PCDHA2: variants seen among roughly 807,000 people sequenced by gnomAD.
PCDHA2 encodes the protein protocadherin alpha 2, also known as protocadherin alpha-2.
Under a neutral mutation model 66.0 loss-of-function variants are expected in PCDHA2, and 58 were observed. The ratio of observed to expected loss-of-function variants is 0.88; its 90% confidence interval spans 0.71 to 1.09. The LOEUF is 1.09. Among genes scored for constraint, PCDHA2 ranks in the 50% least tolerant of loss-of-function variants. The pLI, the probability that PCDHA2 is intolerant of heterozygous loss-of-function variation, is 0.00. For synonymous variants in PCDHA2, 634 were observed against 554.0 expected, an observed-to-expected ratio of 1.14 and a Z score of -2.03; for missense variants, 1,267 against 1,242.3, an observed-to-expected ratio of 1.02 and a Z score of -0.30.
At chr5:140,898,624 A>G (rs1374108541) in intron 1 of PCDHA2, among the ~76,000 whole-genome samples, 13 of 152,248 alleles carry the variant, frequency 8.5e-5, no homozygotes, top group African/African-American at 2.6e-4. Flanking sequence ...CAGGTAGCAT[A>G]ATGCCTCCAG....
intron 1 of PCDHA2, chr5:140,847,725 G>A (rs1003517180): frequency 2.0e-5 from 3 of 149,656 alleles, no homozygotes; most frequent in Non-Finnish European, 4.5e-5. Flanking sequence ...CTACAAAAGA[G>A]AAAAATATAT....
intron 1 of PCDHA2, chr5:140,859,885 A>G (rs2046070858): frequency 1.3e-5 from 2 of 151,844 alleles, no homozygotes; most frequent in South Asian, 4.2e-4. Context: ...TGATATTTTG[A>G]AAAAAAATCT....
intron 1 of PCDHA2, among the ~76,000 whole-genome samples, chr5:140,922,038 T>A (rs1048446579): frequency 6.6e-6 from 1 of 152,088 alleles, no homozygotes. Context: ...AATGTAATTT[T>A]CCCACATACC....
At chr5:140,821,882 A>T (rs1302736713) in intron 1 of PCDHA2, 2 of 1,614,102 alleles carry the variant, frequency 1.2e-6, no homozygotes, top group Admixed American at 1.7e-5. Flanking sequence ...TCGATCCCGG[A>T]GGAAGCCAAA....
At chr5:140,893,655 T>G (rs894439477) in intron 1 of PCDHA2, among the ~76,000 whole-genome samples, 1 of 152,200 alleles carries the variant, frequency 6.6e-6, no homozygotes, top group Non-Finnish European at 1.5e-5. Flanking sequence ...GCTGATAGTT[T>G]TAAAAAATTT....
At chr5:140,884,066 G>A in intron 1 of PCDHA2, 1 of 1,613,512 alleles carries the variant, frequency 6.2e-7, no homozygotes, top group South Asian at 1.1e-5. Flanking sequence ...GGTGGACGCC[G>A]ATTCGGGCTA....
At chr5:140,851,730 T>G in intron 1 of PCDHA2, 1 of 971,134 alleles carries the variant, frequency 1.0e-6, no homozygotes, top group Non-Finnish European at 1.2e-6. Context: ...TTCGAGTTCT[T>G]TTGAAATTCA....
intron 3 of PCDHA2, among the ~76,000 whole-genome samples, chr5:140,991,302 T>C (rs2097443703): frequency 6.6e-6 from 1 of 152,204 alleles, no homozygotes; most frequent in African/African-American, 2.4e-5. Flanking sequence ...ATTACTATTA[T>C]CTTGTCCCGC....
At chr5:141,002,485 C>T (rs1287282223) in intron 3 of PCDHA2, among the ~76,000 whole-genome samples, 2 of 152,154 alleles carry the variant, frequency 1.3e-5, no homozygotes, top group Non-Finnish European at 2.9e-5. Flanking sequence ...AAAGGATGAC[C>T]TTGTTATACA....
At chr5:140,808,983 C>T in intron 1 of PCDHA2, 2 of 1,613,648 alleles carry the variant, frequency 1.2e-6, no homozygotes, top group East Asian at 2.2e-5. Flanking sequence ...GCGGTGGATG[C>T]TGACTCGGGC....
At chr5:140,976,454 G>A (rs550788004) in intron 1 of PCDHA2, among the ~76,000 whole-genome samples, 18 of 152,214 alleles carry the variant, frequency 1.2e-4, no homozygotes, top group South Asian at 2.1e-4. Flanking sequence ...GGGAGGCTGG[G>A]GAAGAAGAAT....
intron 1 of PCDHA2, chr5:140,827,875 C>G (rs2150149520): frequency 7.5e-4 from 485 of 643,822 alleles, no homozygotes; most frequent in Middle Eastern, 4.8e-3. Flanking sequence ...AGCACTGTTA[C>G]GTGAATTGAT....
At chr5:140,805,331 C>T in intron 1 of PCDHA2, 1 of 1,238,568 alleles carries the variant, frequency 8.1e-7, no homozygotes, top group Non-Finnish European at 1.0e-6. Flanking sequence ...TGCTTGATGT[C>T]AATGATCATT....
At chr5:140,917,863 G>A (rs182359679) in intron 1 of PCDHA2, among the ~76,000 whole-genome samples, 1 of 151,750 alleles carries the variant, frequency 6.6e-6, no homozygotes, top group East Asian at 1.9e-4. Context: ...GGATTGCTTT[G>A]ACTATTTGGG....
chr5:140,890,283 A>G (rs1554184241), intron 1 of PCDHA2, among the ~76,000 whole-genome samples: 2 of 152,192 alleles, frequency 1.3e-5, no homozygotes, highest in Admixed American at 1.3e-4. Flanking sequence ...CACTCAGTTG[A>G]GTCAGAACCA....
In PCDHA2 at chr5:140,815,695, T is replaced by A. The variant is rs1365697676; in HGVS notation, c.2388+18343T>A. 3 of 152,310 alleles carry A rather than the reference T, an allele frequency of 2.0e-5. No homozygotes were observed. In the East Asian group the frequency reaches 5.8e-4, roughly 29 times the overall value. 9.4% of individuals were successfully genotyped at this position (152,310 alleles called of 1,614,324 possible). On this transcript the variant is annotated intron_variant, in intron 1 of 3. Coordinates refer to ENST00000526136, the MANE Select transcript of PCDHA2 (RefSeq NM_018905.3). The stretch of plus-strand genomic sequence containing the variant: ...GAGCTTTATACTTTAATAAAATACC[T>A]ATGTATTTCTGTTTAGCATCCCCTA...
chr5:140,856,328 C>A, intron 1 of PCDHA2: 1 of 1,598,592 alleles, frequency 6.3e-7, no homozygotes. Context: ...CCGCGAGGAG[C>A]TGTGCGGGCG....
At chr5:140,882,556 T>A (rs367760301) in intron 1 of PCDHA2, 11 of 1,614,194 alleles carry the variant, frequency 6.8e-6, no homozygotes, top group Non-Finnish European at 9.3e-6. Flanking sequence ...AGGAGCTGTG[T>A]GGGCGGAGCG....
intron 1 of PCDHA2, chr5:140,816,260 C>T (rs1270390991): frequency 6.6e-6 from 1 of 152,136 alleles, no homozygotes; most frequent in African/African-American, 2.4e-5. Flanking sequence ...AGTTCACTGA[C>T]TCATTCTTCT....
Sources: allele counts gnomAD v4.1 joint callset (sites outside exome capture counted in the v4.1 genomes callset), GRCh38; gene constraint gnomAD v4.1.1; transcripts MANE v1.5; gene names NCBI Gene and HGNC (gene_info 2026-07-23, HGNC 2026-07-21).